RIMS1: variants seen among roughly 807,000 people sequenced by gnomAD.
RIMS1 encodes the protein regulating synaptic membrane exocytosis protein 1.
In RIMS1, 83 loss-of-function variants were observed where a neutral mutation model predicts 214.1. The observed-to-expected ratio is 0.39, with a 90% CI of 0.32 to 0.47. The LOEUF (loss-of-function observed/expected upper bound fraction) is 0.47. RIMS1 is among the 20% of genes least tolerant of loss of function. The probability of loss-of-function intolerance (pLI) is 0.99; values close to 1 mark genes in which losing one functional copy is unlikely to be tolerated. For synonymous variants in RIMS1, 793 were observed against 786.8 expected, an observed-to-expected ratio of 1.01 and a Z score of -0.13; for missense variants, 2,050 against 2,161.8, an observed-to-expected ratio of 0.95 and a Z score of 1.03.
At chr6:72,170,929 A>G (rs1167730348) in intron 4 of RIMS1, among the ~76,000 whole-genome samples, 1 of 152,210 alleles carries the variant, frequency 6.6e-6, no homozygotes, top group African/African-American at 2.4e-5. Context: ...ACAGTTTTGT[A>G]TAACTCAATC....
chr6:72,275,028 T>G (rs967803024), intron 23 of RIMS1, among the ~76,000 whole-genome samples: 2 of 150,620 alleles, frequency 1.3e-5, no homozygotes, highest in African/African-American at 4.9e-5. Flanking sequence ...GAATCCACTT[T>G]ATGCTGATAT....
chr6:72,198,889 A>G (rs1365375828), intron 6 of RIMS1, among the ~76,000 whole-genome samples: 1 of 151,986 alleles, frequency 6.6e-6, no homozygotes, highest in Non-Finnish European at 1.5e-5. Flanking sequence ...TTCTCAGAAA[A>G]CCTGCATTTT....
At chr6:72,304,131 C>A (rs1481152584) in intron 26 of RIMS1, among the ~76,000 whole-genome samples, 3 of 151,522 alleles carry the variant, frequency 2.0e-5, no homozygotes. Context: ...CAGGGCCTCC[C>A]AGTTTTAAAT....
chr6:72,082,991 G>T (rs1185938003), intron 2 of RIMS1, among the ~76,000 whole-genome samples: 1 of 152,190 alleles, frequency 6.6e-6, no homozygotes, highest in Non-Finnish European at 1.5e-5. Context: ...TATTAAAAAT[G>T]TAAGGTAATG....
intron 4 of RIMS1, among the ~76,000 whole-genome samples, chr6:72,139,356 A>G (rs916666022): frequency 1.3e-5 from 2 of 152,186 alleles, no homozygotes; most frequent in African/African-American, 2.4e-5. Context: ...GACTTCCTTT[A>G]TAAGTCTGGC....
chr6:72,088,642 A>T (rs919151554), intron 2 of RIMS1, among the ~76,000 whole-genome samples: 1 of 152,142 alleles, frequency 6.6e-6, no homozygotes, highest in Non-Finnish European at 1.5e-5. Flanking sequence ...CTTATGTTTT[A>T]TCCTTCTTAG....
chr6:72,350,601 T>C (rs2097413779), intron 29 of RIMS1, among the ~76,000 whole-genome samples: 1 of 152,178 alleles, frequency 6.6e-6, no homozygotes, highest in African/African-American at 2.4e-5. Flanking sequence ...GTTCTGCTTT[T>C]ATATTTTCAT....
intron 2 of RIMS1, among the ~76,000 whole-genome samples, chr6:72,066,531 T>G (rs1302586398): frequency 6.6e-6 from 1 of 152,176 alleles, no homozygotes; most frequent in Non-Finnish European, 1.5e-5. Flanking sequence ...ACTGGATCCT[T>G]TTCTTCTTTT....
rs73750367 is a variant in RIMS1, at chr6:72,102,308, C to T, written c.471+2322C>T. ...CGTTTCTTGTTTATCTGTATTTTCA[C>T]AAAGAAAGTGTCAGGTTTTATAAGT... is the stretch of plus-strand genomic sequence containing the variant. On this transcript the variant is annotated intron_variant, in intron 4 of 33. Transcript: ENST00000521978. Among the ~76,000 whole-genome samples the T allele has an allele frequency of 3.2e-3, 485 of 151,974 alleles. 2 individuals are homozygous for T. Among genetic ancestry groups the T allele is most frequent in the African/African-American group, 0.011 (441 of 41,502 alleles).
At chr6:72,072,720 T>A (rs1830853300) in intron 2 of RIMS1, among the ~76,000 whole-genome samples, 1 of 152,136 alleles carries the variant, frequency 6.6e-6, no homozygotes, top group Admixed American at 6.5e-5. Flanking sequence ...CCCAGCCCAG[T>A]AAAATGAAAA....
intron 29 of RIMS1, among the ~76,000 whole-genome samples, chr6:72,342,919 C>T (rs1222953329): frequency 1.3e-5 from 2 of 151,522 alleles, no homozygotes; most frequent in Admixed American, 6.6e-5. Context: ...GCTGAAGGAG[C>T]TTGAGTCAGA....
At chr6:72,208,042 G>A (rs543777390) in intron 6 of RIMS1, among the ~76,000 whole-genome samples, 20 of 152,154 alleles carry the variant, frequency 1.3e-4, no homozygotes, top group Middle Eastern at 3.4e-3. Flanking sequence ...CCTAAGAAGC[G>A]GAAATGGCAA....
At position 72,068,989 on chromosome 6, in the gene RIMS1, A is replaced by C. The variant is rs930782349; in HGVS notation, c.246-27960A>C. Among the ~76,000 whole-genome samples, 3 of 145,606 alleles carry C rather than the reference A, an allele frequency of 2.1e-5. No individual in the cohort carries two copies. The Admixed American group carries it at 2.1e-4, about 10-fold the overall frequency. ...ATTGAACTGAAGCAAGCAGAGGAAGAGGAAACCTCCAGAAATAACAAACTG... is the reference window on the plus strand; with the variant it reads ...ATTGAACTGAAGCAAGCAGAGGAAGCGGAAACCTCCAGAAATAACAAACTG... On this transcript the variant is annotated intron_variant, in intron 2 of 33. Coordinates refer to ENST00000521978, the MANE Select transcript of RIMS1 (RefSeq NM_014989.7).
In RIMS1 at chr6:71,969,126, A is replaced by G. The variant is rs889690988; in HGVS notation, c.245+63A>G. On this transcript the variant is annotated intron_variant, in intron 2 of 33. Coordinates refer to ENST00000521978, the MANE Select transcript of RIMS1 (RefSeq NM_014989.7). ...TCTCTTACACAGATCATGGTTACAGATTTATTCACATTGCATGTGAGAGTA... is the reference window on the plus strand; with the variant it reads ...TCTCTTACACAGATCATGGTTACAGGTTTATTCACATTGCATGTGAGAGTA... 28 of 1,457,896 alleles carry G rather than the reference A, an allele frequency of 1.9e-5. No homozygotes were observed. The African/African-American group carries it at 2.8e-4, about 14-fold the overall frequency. 90.3% of individuals were successfully genotyped at this position (1,457,896 alleles called of 1,614,324 possible).
intron 29 of RIMS1, among the ~76,000 whole-genome samples, chr6:72,359,535 C>T (rs532000145): frequency 5.9e-5 from 9 of 151,880 alleles, no homozygotes; most frequent in Non-Finnish European, 1.3e-4. Context: ...GCCAGTTAGG[C>T]ACGTCTTCAA....
chr6:72,366,643 T>G (rs1427636300), intron 29 of RIMS1: 1 of 944,498 alleles, frequency 1.1e-6, no homozygotes, highest in Non-Finnish European at 1.3e-6. Flanking sequence ...CAGAAGCAAT[T>G]TAATTATATT....
Position 72,179,754 on chromosome 6 carries a change from G to A in RIMS1, c.651G>A (p.Arg217=). The A allele has an allele frequency of 6.2e-7, 1 of 1,613,816 alleles. No homozygotes were observed. The highest frequency in any genetic ancestry group is 8.5e-7 in the Non-Finnish European group (1 of 1,179,874). ...EKKARLQERS[R]SQTPLSTAAA... is the part of the protein sequence containing the mutation. ...AAGCACGACTCCAAGAGCGATCGCG[G>A]TCTCAGACACCCCTAAGCACAGCAG... Residue 217 remains arginine (R), a synonymous_variant, in exon 5 of 34, where the codon CGG becomes CGA. Coordinates refer to ENST00000521978, the MANE Select transcript of RIMS1 (RefSeq NM_014989.7).
chr6:72,122,207 C>CCT (rs2038513366), intron 4 of RIMS1, among the ~76,000 whole-genome samples: 1 of 136,332 alleles, frequency 7.3e-6, no homozygotes, highest in East Asian at 2.1e-4. Flanking sequence ...TTCCTTTTTT[C>CCT]TTTTTTTTTT....
chr6:72,254,250 C>T (rs1029120492), intron 16 of RIMS1, among the ~76,000 whole-genome samples: 8 of 152,048 alleles, frequency 5.3e-5, no homozygotes, highest in African/African-American at 1.9e-4. Flanking sequence ...AATCTATATA[C>T]TTATATATTA....
Sources: gnomAD v4.1 joint callset for allele counts (sites outside exome capture counted in the v4.1 genomes callset) on GRCh38, gnomAD v4.1.1 for gene constraint, MANE v1.5 for transcripts, NCBI Gene and HGNC (gene_info 2026-07-23, HGNC 2026-07-21) for gene names.